Variants in PGM3 observed in about 807,000 individuals in gnomAD.
The protein encoded by PGM3 is phosphoacetylglucosamine mutase.
A neutral mutation model predicts 66.2 loss-of-function variants in PGM3; 40 were observed. That is an observed-to-expected ratio of 0.60 (90% CI 0.47 to 0.79). The LOEUF is 0.79. Ranked by LOEUF, PGM3 falls within the 30% of genes least tolerant of loss-of-function variation. PGM3 has a pLI of 0.00. For synonymous variants in PGM3, 191 were observed against 224.2 expected (o/e 0.85, Z 1.32); for missense variants, 537 against 643.4 (o/e 0.83, Z 1.79).
chr6:83,188,760 T>G lies in PGM3; in HGVS notation c.243A>C (p.Glu81Asp), dbSNP rs766336105. 6.2e-7 allele frequency: 1 copy of G among 1,613,986 alleles called. No homozygotes were observed. The highest frequency in any genetic ancestry group is 1.7e-5 in the Admixed American group (1 of 60,016). Residue 81 changes from glutamate to aspartate, a missense_variant, in exon 3 of 13, where the codon GAA (glutamate) becomes GAC (aspartate). Glu to Asp is a conservative substitution (Grantham distance 45). Transcript: ENST00000513973. ...NGVKLVDPLG[E>D]MLAPSWEEHA... The stretch of plus-strand genomic sequence containing the variant: ...GTTCCTCCCAGGATGGTGCCAACAT[T>G]TCACCCAAAGGATCAACCAATTTTA...
rs1583255127 is a variant in PGM3, at chr6:83,172,045, A to C, written c.1257T>G (p.Ala419=). 6.2e-7 allele frequency: 1 copy of C among 1,614,014 alleles called. No homozygotes were observed. The change falls in exon 11 of 13, where the codon GCT becomes GCG. Residue 419 remains alanine, a synonymous_variant. Transcript: ENST00000513973. ...IDLFNQAAGD[A]ISDMLVIEAI... ...CTTCAATCACCAGCATGTCAGAAAT[A>C]GCATCACCAGCTGCCTGCAAATGGG...
chr6:83,156,915 G>A (rs948968236), downstream of PGM3, among the ~76,000 whole-genome samples: 1 of 152,126 alleles, frequency 6.6e-6, no homozygotes, highest in African/African-American at 2.4e-5. Context: ...CCATCCATAA[G>A]TACAAAACTT....
downstream of PGM3, among the ~76,000 whole-genome samples, chr6:83,158,294 C>G (rs1178259972): frequency 2.0e-5 from 3 of 152,164 alleles, no homozygotes; most frequent in African/African-American, 4.8e-5. Flanking sequence ...AGCCACCACA[C>G]CAGACCTATT....
At chr6:83,150,804 C>T in the PGM3 span, among the ~76,000 whole-genome samples, 1 of 152,074 alleles carries the variant, frequency 6.6e-6, no homozygotes, top group African/African-American at 2.4e-5. Context: ...ATTTTTTAAA[C>T]TTTTCTGTTT....
chr6:83,190,853 T>C lies in PGM3; in HGVS notation c.160A>G (p.Lys54Glu). ...LLAVLRSKQT[K>E]STIGVMVTAS... ...GTTACCATGACTCCTATAGTGGATT[T>C]TGTCTGTTTTGACCTCAGGACAGCT... The change falls in exon 2 of 13, where the codon AAA becomes GAA. Residue 54 changes from lysine to glutamate, a missense_variant. Coordinates refer to ENST00000513973, the MANE Select transcript of PGM3 (RefSeq NM_015599.3). The C allele has an allele frequency of 6.2e-7, 1 of 1,614,132 alleles. No individual in the cohort carries two copies. Among genetic ancestry groups the C allele is most frequent in the African/African-American group, 1.3e-5 (1 of 75,036 alleles).
the PGM3 span, among the ~76,000 whole-genome samples, chr6:83,151,203 A>G: frequency 6.6e-6 from 1 of 152,210 alleles, no homozygotes; most frequent in African/African-American, 2.4e-5. Flanking sequence ...CCCAGGCCAG[A>G]GTGCAGTGGT....
In PGM3 at chr6:83,178,677, A is replaced by C; in HGVS notation, c.1025T>G (p.Met342Arg). 6.3e-7 allele frequency: 1 copy of C among 1,580,416 alleles called. No homozygotes were observed. Among genetic ancestry groups the C allele is most frequent in the Non-Finnish European group, 8.7e-7 (1 of 1,149,528 alleles). ...AAAACAAAAATGGTTCAATACCTTC[A>C]TAACTTCTTCAAGATACCGTGTTGA... ...GSSTRYLEEV[M>R]KVPVYCTKTG... The change falls in exon 8 of 13, where the codon ATG becomes AGG. Residue 342 changes from methionine (M) to arginine (R), a missense_variant. Physicochemically the swap from Met to Arg is moderately conservative, Grantham distance 91. Transcript: ENST00000513973.
chr6:83,157,401 G>A (rs1378706697), downstream of PGM3: 23 of 1,409,842 alleles, frequency 1.6e-5, no homozygotes, highest in East Asian at 2.3e-5. Context: ...AGATATTAAC[G>A]AATATTGGGA....
At chr6:83,157,032 G>T, downstream of PGM3, 1 of 660,912 alleles carries the variant, frequency 1.5e-6, no homozygotes, top group South Asian at 2.5e-5. Flanking sequence ...TCTCTTATTC[G>T]TTGTTTTATG....
chr6:83,151,982 C>A, the PGM3 span: 1 of 1,613,840 alleles, frequency 6.2e-7, no homozygotes, highest in Admixed American at 1.7e-5. Context: ...TAAGCCTTCT[C>A]CCAAAATAAT....
chr6:83,179,772 A>G, intron 7 of PGM3, 38 bp downstream of exon 7: 1 of 1,506,202 alleles, frequency 6.6e-7, no homozygotes, highest in Non-Finnish European at 9.1e-7. Context: ...TTCACTACTA[A>G]GTCTTGTTTT....
In PGM3 at chr6:83,178,728, A is replaced by G. The variant is rs1184249779; in HGVS notation, c.974T>C (p.Val325Ala). The G allele has an allele frequency of 1.9e-6, 3 of 1,598,250 alleles. No homozygotes were observed. Among genetic ancestry groups the G allele is most frequent in the Non-Finnish European group, 2.6e-6 (3 of 1,165,706 alleles). ...EIGESLNIGV[V>A]QTAYANGSST... ...ACTTCCATTTGCATATGCAGTTTGT[A>G]CAACACCAATATTCAAACTTTCTCC... The change falls in exon 8 of 13, where the codon GTA becomes GCA. Residue 325 changes from valine to alanine, a missense_variant. Val to Ala is a moderately conservative substitution (Grantham distance 64). Coordinates refer to ENST00000513973, the MANE Select transcript of PGM3 (RefSeq NM_015599.3).
At chr6:83,192,701 T>TA (rs201502320) in intron 1 of PGM3, among the ~76,000 whole-genome samples, 219 of 144,626 alleles carry the variant, frequency 1.5e-3, no homozygotes, top group African/African-American at 3.2e-3. Flanking sequence ...AAAAAGCCAT[T>TA]AAAAAAAAAA....
chr6:83,153,882 T>C, the PGM3 span: 1 of 1,594,818 alleles, frequency 6.3e-7, no homozygotes, highest in South Asian at 1.1e-5. Context: ...AGGTGGTTTT[T>C]CTTCCTTGTA....
intron 4 of PGM3, among the ~76,000 whole-genome samples, chr6:83,185,713 CGAGCCTCTG>C (rs1193671112): frequency 3.3e-5 from 5 of 151,978 alleles, no homozygotes; most frequent in African/African-American, 4.8e-5. Flanking sequence ...GAGCCAAGAT[CGAGCCTCTG>C]CACTCCAGCC....
Position 83,175,967 on chromosome 6 carries a change from C to T in PGM3, c.1123G>A (p.Gly375Ser). The T allele has an allele frequency of 6.3e-7, 1 of 1,589,968 alleles. No homozygotes were observed. The highest frequency in any genetic ancestry group is 8.6e-7 in the Non-Finnish European group (1 of 1,158,066). ...IGVYFEANGH[G>S]TALFSTAVEM... ...CTATAATTAAGAGAACTTACAGTGC[C>T]ATGCCCATTTGCTTCAAAATAAACT... is the stretch of plus-strand genomic sequence containing the variant. The change falls in exon 9 of 13, where the codon GGC (glycine) becomes AGC (serine). Residue 375 changes from glycine to serine, a missense_variant. Physicochemically the swap from Gly to Ser is moderately conservative, Grantham distance 56 (BLOSUM62 0). Transcript: ENST00000513973.
At chr6:83,188,843 G>C (rs1380806372) in intron 2 of PGM3, 45 bp from the exon 3 acceptor site, 1 of 1,536,078 alleles carries the variant, frequency 6.5e-7, no homozygotes, top group Non-Finnish European at 9.0e-7. Flanking sequence ...ATACTCATGA[G>C]GCTGAGTTGA....
Position 83,171,875 on chromosome 6 carries a change from T to C in PGM3, c.1365+62A>G, listed in dbSNP as rs1011920857. ...ATATGTCAGTGAGATATAATGAGAA[T>C]TGGGATAATAGGTTTTACTTAGCTA... On this transcript the variant is annotated intron_variant, in intron 11 of 12. Coordinates refer to ENST00000513973, the MANE Select transcript of PGM3 (RefSeq NM_015599.3). 1.7e-5 allele frequency: 21 copies of C among 1,241,172 alleles called. No homozygotes were observed. The African/African-American group carries it at 2.7e-4, about 16-fold the overall frequency. The allele number at this position is 1,241,172 out of a possible 1,614,324, so 76.9% of individuals were successfully genotyped here.
the PGM3 span, chr6:83,152,267 T>C: frequency 6.9e-7 from 1 of 1,454,778 alleles, no homozygotes; most frequent in Admixed American, 2.0e-5. Context: ...AGCCATATCT[T>C]TAATTTTCTC....
Sources: allele counts gnomAD v4.1 joint callset (sites outside exome capture counted in the v4.1 genomes callset), GRCh38; gene constraint gnomAD v4.1.1; transcripts MANE v1.5; gene names NCBI Gene and HGNC (gene_info 2026-07-23, HGNC 2026-07-21).